The following ZFAND3 variants were observed in gnomAD, a reference collection of about 807,000 sequenced individuals.
The protein encoded by ZFAND3 is zinc finger AN1-type containing 3.
ZFAND3 carries 10 observed loss-of-function variants against 29.6 expected under a neutral mutation model. The observed-to-expected ratio is 0.34, with a 90% confidence interval of 0.21 to 0.57. ZFAND3 has a LOEUF of 0.57. Among genes scored for constraint, ZFAND3 ranks in the 20% least tolerant of loss-of-function variants. ZFAND3 has a pLI of 0.86. For synonymous variants in ZFAND3, 128 were observed against 112.6 expected (o/e 1.14, Z -0.87); for missense variants, 230 against 304.5 (o/e 0.76, Z 1.82).
rs527303975 is a variant in ZFAND3 at position 37,955,759 on chromosome 6, C to A, written c.112+25760C>A. Reference sequence around the variant, plus strand: ...CCTCTTCCTGGCTCTGCCACTTTACCTCAGGGCAAATCACCAGTATAAAGT... The same window carrying A: ...CCTCTTCCTGGCTCTGCCACTTTACATCAGGGCAAATCACCAGTATAAAGT... On this transcript the variant is annotated intron_variant, in intron 2 of 5. Transcript: ENST00000287218. 2.0e-5 allele frequency among the ~76,000 whole-genome samples: 3 copies of A among 152,308 alleles called. No individual in the cohort carries two copies. In the East Asian group the frequency reaches 5.8e-4, roughly 29 times the overall value.
intron 4 of ZFAND3, among the ~76,000 whole-genome samples, chr6:38,106,408 C>G (rs1384798113): frequency 2.0e-5 from 3 of 152,176 alleles, no homozygotes; most frequent in Non-Finnish European, 4.4e-5. Flanking sequence ...CCTCGGCCTC[C>G]CAAAGTGCCG....
At chr6:37,991,171 T>C (rs1762752317) in intron 2 of ZFAND3, among the ~76,000 whole-genome samples, 1 of 152,176 alleles carries the variant, frequency 6.6e-6, no homozygotes, top group East Asian at 1.9e-4. Flanking sequence ...TCTTAAAAGC[T>C]AGTCACGTGT....
At chr6:37,845,023 CAAA>C (rs1422440103) in intron 1 of ZFAND3, among the ~76,000 whole-genome samples, 2 of 81,372 alleles carry the variant, frequency 2.5e-5, no homozygotes, top group African/African-American at 4.9e-5. Flanking sequence ...GACTCCGTCT[CAAA>C]AAAAAAAAAA....
chr6:38,035,871 C>A (rs1041092498), intron 2 of ZFAND3, among the ~76,000 whole-genome samples: 18 of 152,162 alleles, frequency 1.2e-4, no homozygotes, highest in Admixed American at 7.9e-4. Context: ...CATTTAAAGT[C>A]TCTGGAAATT....
intron 2 of ZFAND3, among the ~76,000 whole-genome samples, chr6:38,036,343 T>C (rs1282979645): frequency 6.6e-6 from 1 of 152,116 alleles, no homozygotes; most frequent in Non-Finnish European, 1.5e-5. Context: ...CACAGAATTA[T>C]TCCAGCCAAG....
chr6:37,964,078 C>A (rs1762248994), intron 2 of ZFAND3, among the ~76,000 whole-genome samples: 1 of 152,120 alleles, frequency 6.6e-6, no homozygotes, highest in African/African-American at 2.4e-5. Context: ...TTTCCCCCCT[C>A]AGGTTTTCCT....
chr6:37,974,182 G>C (rs6909195), intron 2 of ZFAND3, among the ~76,000 whole-genome samples: 73,535 of 151,818 alleles, frequency 0.48, 18,547 homozygotes, highest in East Asian at 0.86. Context: ...CATGTCTCAG[G>C]CTGCCGAGTA....
intron 4 of ZFAND3, among the ~76,000 whole-genome samples, chr6:38,101,033 TATAAC>T (rs1429186189): frequency 8.5e-5 from 13 of 152,248 alleles, no homozygotes; most frequent in African/African-American, 2.4e-4. Flanking sequence ...TTAACACTGA[TATAAC>T]ATATAGTTGA....
chr6:38,097,419 G>T (rs1332444768), intron 4 of ZFAND3, among the ~76,000 whole-genome samples: 1 of 152,044 alleles, frequency 6.6e-6, no homozygotes, highest in Non-Finnish European at 1.5e-5. Flanking sequence ...TCTTTGTTAT[G>T]TGAGAATTTT....
At chr6:37,860,595 CT>C (rs1222257787) in intron 1 of ZFAND3, among the ~76,000 whole-genome samples, 1 of 143,052 alleles carries the variant, frequency 7.0e-6, no homozygotes, top group Non-Finnish European at 1.5e-5. Flanking sequence ...CTCATTTGGA[CT>C]TGTTTGCAGT....
At chr6:37,945,950 T>C (rs1292050844) in intron 2 of ZFAND3, among the ~76,000 whole-genome samples, 1 of 152,218 alleles carries the variant, frequency 6.6e-6, no homozygotes, top group African/African-American at 2.4e-5. Flanking sequence ...TCAGTGATTC[T>C]AGTTGCATTA....
At position 38,150,598 on chromosome 6, in the gene ZFAND3, A is replaced by G. The variant is rs546467373; in HGVS notation, c.530-1637A>G. Reference sequence around the variant, plus strand: ...TATTGAATCTTAACCTTAAATCTTAAGGCTGTTGAAACTCTTCATCCTGTG... The same window carrying G: ...TATTGAATCTTAACCTTAAATCTTAGGGCTGTTGAAACTCTTCATCCTGTG... On this transcript the variant is annotated intron_variant, in intron 5 of 5. Coordinates refer to ENST00000287218, the MANE Select transcript of ZFAND3 (RefSeq NM_021943.3). Among the ~76,000 whole-genome samples the G allele has an allele frequency of 4.6e-5, 7 of 152,332 alleles. No individual in the cohort carries two copies. The East Asian group carries it at 1.3e-3, about 29-fold the overall frequency.
chr6:38,100,857 T>G (rs1453959652), intron 4 of ZFAND3, among the ~76,000 whole-genome samples: 3 of 152,258 alleles, frequency 2.0e-5, no homozygotes, highest in Non-Finnish European at 4.4e-5. Context: ...TCTCTCGCCC[T>G]CTTTGTGTCT....
chr6:38,088,980 TC>T (rs983118782), intron 4 of ZFAND3, among the ~76,000 whole-genome samples: 2 of 151,576 alleles, frequency 1.3e-5, no homozygotes, highest in Non-Finnish European at 2.9e-5. Context: ...TATCCCTCTC[TC>T]CCTCCCTCCC....
chr6:38,029,778 C>T (rs1025518927), intron 2 of ZFAND3, among the ~76,000 whole-genome samples: 1 of 152,170 alleles, frequency 6.6e-6, no homozygotes, highest in African/African-American at 2.4e-5. Flanking sequence ...TAACGGCAAT[C>T]CTCATGCATT....
intron 1 of ZFAND3, among the ~76,000 whole-genome samples, chr6:37,888,453 T>C (rs914910474): frequency 1.3e-5 from 2 of 152,206 alleles, no homozygotes; most frequent in Non-Finnish European, 2.9e-5. Flanking sequence ...CAATCATTTA[T>C]GCTTTATTCT....
At chr6:38,010,744 C>T (rs935411194) in intron 2 of ZFAND3, among the ~76,000 whole-genome samples, 9 of 151,464 alleles carry the variant, frequency 5.9e-5, no homozygotes, top group East Asian at 1.9e-4. Flanking sequence ...GGATTACAGG[C>T]GCCTGCCACC....
chr6:37,961,927 T>TA (rs1238381126), intron 2 of ZFAND3, among the ~76,000 whole-genome samples: 1 of 152,070 alleles, frequency 6.6e-6, no homozygotes, highest in Non-Finnish European at 1.5e-5. Flanking sequence ...CTACAATAAA[T>TA]ACCTAACTCT....
At chr6:37,885,976 G>A (rs1256029081) in intron 1 of ZFAND3, among the ~76,000 whole-genome samples, 1 of 152,006 alleles carries the variant, frequency 6.6e-6, no homozygotes, top group Non-Finnish European at 1.5e-5. Context: ...GGTGGCTTAT[G>A]CCAGTAATCC....
Sources: allele counts gnomAD v4.1 joint callset (sites outside exome capture counted in the v4.1 genomes callset), GRCh38; gene constraint gnomAD v4.1.1; transcripts MANE v1.5; gene names NCBI Gene and HGNC (gene_info 2026-07-23, HGNC 2026-07-21).